The following FARP2 variants were observed in gnomAD, a reference collection of about 807,000 sequenced individuals.
The protein encoded by FARP2 is FERM, ARH/RhoGEF and pleckstrin domain protein 2, also known as FERM, ARHGEF and pleckstrin domain-containing protein 2.
A neutral mutation model predicts 130.5 loss-of-function variants in FARP2; 111 were observed. The observed-to-expected ratio is 0.85, with a 90% CI of 0.73 to 1.00. The LOEUF is 1.00. FARP2 is among the 50% of genes least tolerant of loss of function. The pLI, the probability that FARP2 is intolerant of heterozygous loss-of-function variation, is 0.00. For missense variants in FARP2, 1,385 were observed against 1,346.3 expected, an observed-to-expected ratio of 1.03 and a Z score of -0.45; for synonymous variants, 504 against 516.9, an observed-to-expected ratio of 0.98 and a Z score of 0.34.
chr2:241,406,888 A>G (rs1458767725), intron 4 of FARP2, among the ~76,000 whole-genome samples: 2 of 152,080 alleles, frequency 1.3e-5, no homozygotes, highest in Non-Finnish European at 2.9e-5. Flanking sequence ...GCTCACTGCA[A>G]TCCCCGCCTC....
In FARP2 at chr2:241,374,814, T is replaced by C. The variant is rs188377703; in HGVS notation, c.183+1524T>C. Among the ~76,000 whole-genome samples, 710 of 152,350 alleles carry C rather than the reference T, an allele frequency of 4.7e-3. 3 individuals are homozygous for C. Among genetic ancestry groups the C allele is most frequent in the African/African-American group, 0.016 (680 of 41,588 alleles). Reference sequence around the variant, plus strand: ...TCTGTCCAACTTCCCACATCACTTCTGTTGCAGAGAAGGAGGTCTGAAGCT... The same window carrying C: ...TCTGTCCAACTTCCCACATCACTTCCGTTGCAGAGAAGGAGGTCTGAAGCT... On this transcript the variant is annotated intron_variant, in intron 2 of 26. Coordinates refer to ENST00000264042, the MANE Select transcript of FARP2 (RefSeq NM_014808.4).
At chr2:241,382,289 T>C (rs896493517) in intron 2 of FARP2, among the ~76,000 whole-genome samples, 1 of 129,458 alleles carries the variant, frequency 7.7e-6, no homozygotes, top group African/African-American at 2.7e-5. Flanking sequence ...CTGTACAAAA[T>C]CTATTTTTTT....
chr2:241,385,786 T>C (rs545577561), intron 2 of FARP2, among the ~76,000 whole-genome samples: 4 of 152,182 alleles, frequency 2.6e-5, no homozygotes, highest in Non-Finnish European at 4.4e-5. Flanking sequence ...GTCTTCAACA[T>C]TTACGTCATA....
chr2:241,407,355 G>T (rs1023630024), intron 4 of FARP2, among the ~76,000 whole-genome samples, 182 bp from the exon 5 acceptor site: 1 of 152,116 alleles, frequency 6.6e-6, no homozygotes, highest in Non-Finnish European at 1.5e-5. Context: ...GCCTCCCAAA[G>T]GGGTGGGATT....
chr2:241,364,552 A>C (rs2061260870), intron 1 of FARP2, among the ~76,000 whole-genome samples: 12 of 152,238 alleles, frequency 7.9e-5, no homozygotes. Context: ...AAATAAATAA[A>C]ACTTTATAAA....
Position 241,468,331 on chromosome 2 carries a change from A to C in FARP2, c.2085A>C (p.Leu695=). 1 of 1,613,382 alleles carries C rather than the reference A, an allele frequency of 6.2e-7. No homozygotes were observed. Among genetic ancestry groups the C allele is most frequent in the South Asian group, 1.1e-5 (1 of 91,086 alleles). ...LLHYRLLLRR[L]CGHYSPGHHD... ...ACTACCGCCTGCTGCTGCGCCGCCTATGCGGACATTACAGCCCCGGGCACC... is the reference window on the plus strand; with the variant it reads ...ACTACCGCCTGCTGCTGCGCCGCCTCTGCGGACATTACAGCCCCGGGCACC... Residue 695 remains leucine, a synonymous_variant, in exon 18 of 27, where the codon CTA becomes CTC. Transcript: ENST00000264042.
At chr2:241,363,510 T>A (rs1018325332) in intron 1 of FARP2, among the ~76,000 whole-genome samples, 1 of 152,180 alleles carries the variant, frequency 6.6e-6, no homozygotes, top group Non-Finnish European at 1.5e-5. Context: ...AGGGAATTGC[T>A]CAGGAAAGTG....
chr2:241,426,460 G>T (rs986005214), intron 8 of FARP2, among the ~76,000 whole-genome samples: 1 of 152,210 alleles, frequency 6.6e-6, no homozygotes, highest in African/African-American at 2.4e-5. Context: ...GAGAGTGTGG[G>T]GAGGGGTAGG....
At chr2:241,402,299 A>C (rs1468463936) in intron 2 of FARP2, among the ~76,000 whole-genome samples, 1 of 152,234 alleles carries the variant, frequency 6.6e-6, no homozygotes, top group Non-Finnish European at 1.5e-5. Context: ...TCTCACAGAC[A>C]CACCAATATT....
chr2:241,463,265 C>A, intron 15 of FARP2, 70 bp from the exon 16 acceptor site: 2 of 1,556,166 alleles, frequency 1.3e-6, no homozygotes, highest in Non-Finnish European at 1.7e-6. Flanking sequence ...TGGCTACAGG[C>A]CCTCAGGGGC....
At chr2:241,378,568 A>G (rs1024697448) in intron 2 of FARP2, among the ~76,000 whole-genome samples, 3 of 151,956 alleles carry the variant, frequency 2.0e-5, no homozygotes, top group Admixed American at 6.6e-5. Flanking sequence ...GTGTACCACC[A>G]TGCTGGCTAA....
At chr2:241,444,845 TC>T (rs2063476717) in intron 13 of FARP2, 1 of 152,200 alleles carries the variant, frequency 6.6e-6, no homozygotes, top group East Asian at 1.9e-4. Context: ...CCGCATCACC[TC>T]AAATTCAGTG....
intron 18 of FARP2, chr2:241,471,506 T>TTTTTTTTG (rs1553732805): frequency 7.2e-6 from 1 of 139,116 alleles, no homozygotes; most frequent in African/African-American, 2.7e-5. Flanking sequence ...TTTTTTTTTT[T>TTTTTTTTG]TGTGTGAGAC....
chr2:241,441,684 T>A, intron 13 of FARP2, 128 bp downstream of exon 13: 1 of 1,333,386 alleles, frequency 7.5e-7, no homozygotes, highest in Non-Finnish European at 1.1e-6. Context: ...AAAATGACAA[T>A]GGTGGGGATG....
intron 8 of FARP2, among the ~76,000 whole-genome samples, chr2:241,428,170 T>C (rs183648404): frequency 1.3e-5 from 2 of 152,264 alleles, no homozygotes; most frequent in African/African-American, 2.4e-5. Flanking sequence ...TTTTGCTTTG[T>C]TTTTGAGAAT....
chr2:241,464,527 C>T (rs1434233721), intron 17 of FARP2, among the ~76,000 whole-genome samples: 1 of 151,712 alleles, frequency 6.6e-6, no homozygotes, highest in Non-Finnish European at 1.5e-5. Flanking sequence ...AGCAGGGTTT[C>T]CCCAGAGCAG....
chr2:241,444,858 TACC>T (rs2063476966), intron 13 of FARP2: 1 of 152,222 alleles, frequency 6.6e-6, no homozygotes, highest in East Asian at 1.9e-4. Flanking sequence ...AATTCAGTGT[TACC>T]CACACTTGAC....
At chr2:241,367,487 T>C (rs1476366745) in intron 1 of FARP2, among the ~76,000 whole-genome samples, 2 of 152,094 alleles carry the variant, frequency 1.3e-5, no homozygotes, top group African/African-American at 4.8e-5. Flanking sequence ...AGTAAAGAGG[T>C]AATGCGCCCC....
At chr2:241,439,423 G>A (rs866191052) in intron 12 of FARP2, among the ~76,000 whole-genome samples, 1 of 151,620 alleles carries the variant, frequency 6.6e-6, no homozygotes, top group South Asian at 2.1e-4. Flanking sequence ...TCCACCTCCC[G>A]GGTTCAAGTG....
Sources: gnomAD v4.1 joint callset for allele counts (sites outside exome capture counted in the v4.1 genomes callset) on GRCh38, gnomAD v4.1.1 for gene constraint, MANE v1.5 for transcripts, NCBI Gene and HGNC (gene_info 2026-07-23, HGNC 2026-07-21) for gene names.